Variants in UBASH3B observed in about 807,000 individuals in gnomAD.
UBASH3B encodes the protein ubiquitin-associated and SH3 domain-containing protein B.
A neutral mutation model predicts 83.4 loss-of-function variants in UBASH3B; 37 were observed. The ratio of observed to expected loss-of-function variants is 0.44; its 90% CI spans 0.34 to 0.58. The LOEUF is 0.58. Among genes scored for constraint, UBASH3B ranks in the 20% least tolerant of loss-of-function variants. UBASH3B has a pLI of 0.01. For missense variants in UBASH3B, 657 were observed against 827.2 expected, an observed-to-expected ratio of 0.79 and a Z score of 2.52; for synonymous variants, 304 against 318.3, an observed-to-expected ratio of 0.96 and a Z score of 0.48.
intron 1 of UBASH3B, among the ~76,000 whole-genome samples, chr11:122,721,380 G>A (rs560048240): frequency 6.6e-6 from 1 of 152,140 alleles, no homozygotes; most frequent in East Asian, 1.9e-4. Context: ...CTACGGGGGG[G>A]TGGGAGTGGG....
chr11:122,663,533 G>A (rs55681165), intron 1 of UBASH3B, among the ~76,000 whole-genome samples: 18,092 of 152,176 alleles, frequency 0.12, 1,125 homozygotes, highest in African/African-American at 0.14. Flanking sequence ...ACAGTCATTC[G>A]CAGAGCTAAA....
At chr11:122,703,426 C>CA (rs35573028) in intron 1 of UBASH3B, among the ~76,000 whole-genome samples, 12,070 of 139,368 alleles carry the variant, frequency 0.087, 573 homozygotes, top group African/African-American at 0.14. Context: ...GCCTCCGTCT[C>CA]AAAAAAAAAA....
chr11:122,727,423 A>C (rs1354990412), intron 1 of UBASH3B: 1 of 152,102 alleles, frequency 6.6e-6, no homozygotes, highest in Non-Finnish European at 1.5e-5. Flanking sequence ...CAGAGGAAGG[A>C]AGTTGTCTAT....
chr11:122,682,385 T>C (rs1166976634), intron 1 of UBASH3B, among the ~76,000 whole-genome samples: 5 of 152,182 alleles, frequency 3.3e-5, no homozygotes, highest in African/African-American at 1.2e-4. Context: ...TTTTTATAGA[T>C]GGGGACGCTG....
intron 1 of UBASH3B, among the ~76,000 whole-genome samples, chr11:122,701,970 C>G (rs149928898): frequency 6.6e-6 from 1 of 152,156 alleles, no homozygotes; most frequent in Non-Finnish European, 1.5e-5. Context: ...CCTCCTGCCT[C>G]GGCCTCCCAA....
At chr11:122,765,424 A>C (rs897734330) in intron 1 of UBASH3B, among the ~76,000 whole-genome samples, 4 of 152,220 alleles carry the variant, frequency 2.6e-5, no homozygotes, top group East Asian at 1.9e-4. Context: ...GTGCTTTGAC[A>C]CTGGAGAGTG....
intron 1 of UBASH3B, among the ~76,000 whole-genome samples, chr11:122,702,070 G>A (rs971547736): frequency 6.6e-6 from 1 of 152,128 alleles, no homozygotes; most frequent in Non-Finnish European, 1.5e-5. Flanking sequence ...GTTTCTTTGA[G>A]GACAGATGCT....
intron 1 of UBASH3B, among the ~76,000 whole-genome samples, chr11:122,726,464 C>T (rs1353854432): frequency 6.6e-6 from 1 of 151,780 alleles, no homozygotes; most frequent in African/African-American, 2.4e-5. Flanking sequence ...ATTTTCCTGC[C>T]TCAGCCTCCC....
chr11:122,662,564 T>C (rs1863460142), intron 1 of UBASH3B, among the ~76,000 whole-genome samples: 1 of 151,940 alleles, frequency 6.6e-6, no homozygotes, highest in African/African-American at 2.4e-5. Context: ...CCCAAGTAGC[T>C]GGGATTACAG....
At chr11:122,674,723 AGTTTT>A (rs748485466) in intron 1 of UBASH3B, among the ~76,000 whole-genome samples, 84 of 110,260 alleles carry the variant, frequency 7.6e-4, no homozygotes, top group South Asian at 5.8e-3. Flanking sequence ...CTCTGCAGTT[AGTTTT>A]TTTTTTTTTT....
At chr11:122,794,612 A>T in intron 6 of UBASH3B, 90 bp from the exon 7 acceptor site, 1 of 1,550,752 alleles carries the variant, frequency 6.4e-7, no homozygotes. Flanking sequence ...GAGGGCTTTG[A>T]GTTAACTCCC....
At chr11:122,712,286 G>A (rs1864204471) in intron 1 of UBASH3B, among the ~76,000 whole-genome samples, 1 of 152,098 alleles carries the variant, frequency 6.6e-6, no homozygotes, top group Non-Finnish European at 1.5e-5. Context: ...AAACCAGATG[G>A]CCATATTGTC....
At chr11:122,753,335 C>T (rs1861229393) in intron 1 of UBASH3B, among the ~76,000 whole-genome samples, 1 of 151,526 alleles carries the variant, frequency 6.6e-6, no homozygotes, top group African/African-American at 2.4e-5. Context: ...CCTGTACTCC[C>T]AGCTACTCAG....
intron 1 of UBASH3B, among the ~76,000 whole-genome samples, chr11:122,741,526 T>C (rs182339173): frequency 1.3e-5 from 2 of 152,316 alleles, no homozygotes; most frequent in East Asian, 3.9e-4. Context: ...TAGTGGTCAG[T>C]GAACATCCCA....
rs60342970 is a variant in UBASH3B at position 122,688,978 on chromosome 11, C to CG, written c.161+32782dup. Among the ~76,000 whole-genome samples, 281 of 135,178 alleles carry CG rather than the reference C, an allele frequency of 2.1e-3. 3 individuals carry two copies. Among genetic ancestry groups the CG allele is most frequent in the African/African-American group, 6.0e-3 (188 of 31,284 alleles). The allele number at this position is 135,178 out of a possible 152,430, so 88.7% of individuals were successfully genotyped here. A position where few individuals can be genotyped will look rare whatever the true frequency, so the allele number is the denominator to read the frequency against. On this transcript the variant is annotated intron_variant, in intron 1 of 13. Coordinates refer to ENST00000284273, the MANE Select transcript of UBASH3B (RefSeq NM_032873.5). ...ATTTTTACTAGAGACGGCGGGGAGG[C>CG]GGGGGGGGGGGGGGTTCCACCATAT...
intron 1 of UBASH3B, among the ~76,000 whole-genome samples, chr11:122,771,790 C>A (rs1860650709): frequency 7.5e-6 from 1 of 132,674 alleles, no homozygotes; most frequent in African/African-American, 2.8e-5. Context: ...CACACACACA[C>A]TAAAATAATA....
intron 7 of UBASH3B, among the ~76,000 whole-genome samples, 158 bp from the exon 8 acceptor site, chr11:122,795,997 CA>C (rs1158921767): frequency 6.6e-6 from 1 of 152,220 alleles, no homozygotes; most frequent in Admixed American, 6.5e-5. Context: ...TTCCAGCCTC[CA>C]AATAACTTAT....
chr11:122,702,545 A>T (rs1441970317), intron 1 of UBASH3B, among the ~76,000 whole-genome samples: 2 of 149,686 alleles, frequency 1.3e-5, no homozygotes, highest in African/African-American at 4.9e-5. Flanking sequence ...TTTTTTTCAG[A>T]TGGAATTTTG....
At chr11:122,723,599 C>A (rs993631340) in intron 1 of UBASH3B, among the ~76,000 whole-genome samples, 5 of 152,206 alleles carry the variant, frequency 3.3e-5, no homozygotes, top group African/African-American at 1.2e-4. Flanking sequence ...CTCAAAGTAT[C>A]CATCCTTGTC....
Sources: allele counts gnomAD v4.1 joint callset (sites outside exome capture counted in the v4.1 genomes callset), GRCh38; gene constraint gnomAD v4.1.1; transcripts MANE v1.5; gene names NCBI Gene and HGNC (gene_info 2026-07-23, HGNC 2026-07-21).